The following COL6A3 variants were observed in gnomAD, a reference collection of about 807,000 sequenced individuals.
The protein encoded by COL6A3 is collagen alpha-3(VI) chain.
In COL6A3, 137 loss-of-function variants were observed where a neutral mutation model predicts 274.1. The ratio of observed to expected loss-of-function variants is 0.50; its 90% CI spans 0.44 to 0.58. The LOEUF is 0.58. Among genes scored for constraint, COL6A3 ranks in the 20% least tolerant of loss-of-function variants. The pLI, the probability that COL6A3 is intolerant of heterozygous loss-of-function variation, is 0.00. For synonymous variants in COL6A3, 1,650 were observed against 1,650.6 expected, an observed-to-expected ratio of 1.00 and a Z score of 0.01; for missense variants, 3,950 against 4,124.9, an observed-to-expected ratio of 0.96 and a Z score of 1.16.
chr2:237,377,181 C>A lies in COL6A3; in HGVS notation c.2661G>T (p.Glu887Asp), dbSNP rs745457575. 1 of 1,614,170 alleles carries A rather than the reference C, an allele frequency of 6.2e-7. No homozygotes were observed. Among genetic ancestry groups the A allele is most frequent in the Non-Finnish European group, 8.5e-7 (1 of 1,180,034 alleles). The change falls in exon 7 of 44, where the codon GAG (glutamate) becomes GAT (aspartate). Residue 887 changes from glutamate to aspartate, a missense_variant. Coordinates refer to ENST00000295550, the MANE Select transcript of COL6A3 (RefSeq NM_004369.4). ...VAQYSDDVKVESRFDEHQSKP... is the reference protein window; with the variant it reads ...VAQYSDDVKVDSRFDEHQSKP... ...TACTCTGGTGCTCATCAAAACGGGACTCCACCTTGACATCATCGCTGTACT... is the reference window on the plus strand; with the variant it reads ...TACTCTGGTGCTCATCAAAACGGGAATCCACCTTGACATCATCGCTGTACT...
rs151273014 is a variant in COL6A3 at position 237,366,342 on chromosome 2, A to G, written c.5501-307T>C. Among the ~76,000 whole-genome samples the G allele has an allele frequency of 3.3e-5, 5 of 152,362 alleles. No homozygotes were observed. The East Asian group carries it at 7.7e-4, about 24-fold the overall frequency. On this transcript the variant is annotated intron_variant, in intron 11 of 43. Coordinates refer to ENST00000295550, the MANE Select transcript of COL6A3 (RefSeq NM_004369.4). ...GATGCACCCCAAGTTTGTGCTTTAA[A>G]TTAAAAGCACTTGAAAATCAAATAT...
intron 31 of COL6A3, among the ~76,000 whole-genome samples, chr2:237,347,126 C>T (rs1238201831): frequency 6.6e-6 from 1 of 152,004 alleles, no homozygotes; most frequent in African/African-American, 2.4e-5. Flanking sequence ...GAAGAATAAT[C>T]TGGCCAGGTG....
At chr2:237,354,691 GC>G (rs780211519) in intron 24 of COL6A3, among the ~76,000 whole-genome samples, 14 of 152,106 alleles carry the variant, frequency 9.2e-5, no homozygotes, top group Admixed American at 4.6e-4. Flanking sequence ...ACCAAGCTGT[GC>G]CCCGAACACC....
chr2:237,376,855 G>A lies in COL6A3; in HGVS notation c.2987C>T (p.Ala996Val). The change falls in exon 7 of 44, where the codon GCA (alanine) becomes GTA (valine). Residue 996 changes from alanine to valine, a missense_variant. By Grantham distance (64) the Ala-to-Val change is moderately conservative (BLOSUM62 0). Around this residue, in one of 5 missense-constraint regions of COL6A3, gnomAD observed 1,934 missense variants for 1,984.3 expected, o/e 0.97. Coordinates refer to ENST00000295550, the MANE Select transcript of COL6A3 (RefSeq NM_004369.4). The stretch of plus-strand genomic sequence containing the variant: ...ATCTCCAATCTTGGGAAGCGACTCT[G>A]CAGCCAGGATAAACGCTGGAGACAG... ...IVLSPAFILA[A>V]ESLPKIGDLH... 6.2e-7 allele frequency: 1 copy of A among 1,614,242 alleles called. No homozygotes were observed. The highest frequency in any genetic ancestry group is 8.5e-7 in the Non-Finnish European group (1 of 1,180,040).
rs1199966649 is a variant in COL6A3, at chr2:237,413,232, T to C, written c.-31+721A>G. 6.6e-6 allele frequency among the ~76,000 whole-genome samples: 1 copy of C among 152,206 alleles called. No homozygotes were observed. Among genetic ancestry groups the C allele is most frequent in the Non-Finnish European group, 1.5e-5 (1 of 68,036 alleles). Reference sequence around the variant, plus strand: ...CCCTGCAGCCCCAGGGGCCCTGCCTTAGACACTCAGCATGCTGCCCAAATG... The same window carrying C: ...CCCTGCAGCCCCAGGGGCCCTGCCTCAGACACTCAGCATGCTGCCCAAATG... On this transcript the variant is annotated intron_variant, in intron 1 of 43. Transcript: ENST00000295550. This position sits in a 1 kb window ranked among gnomAD's most constrained non-coding sequence, Gnocchi z 4.0.
In COL6A3 at chr2:237,379,720, T is replaced by TA. The variant is rs36094073; in HGVS notation, c.1898-486dup. 3.1e-3 allele frequency among the ~76,000 whole-genome samples: 475 copies of TA among 151,908 alleles called. 2 individuals are homozygous for TA. The highest frequency in any genetic ancestry group is 5.7e-3 in the Non-Finnish European group (387 of 67,908). On this transcript the variant is annotated intron_variant, in intron 5 of 43. Coordinates refer to ENST00000295550, the MANE Select transcript of COL6A3 (RefSeq NM_004369.4). ...CCTGAGAAAACGAGTTCCTTAAGGCTAAAAAAAATAGCAAAAGTAGGCTGG... is the reference window on the plus strand; with the variant it reads ...CCTGAGAAAACGAGTTCCTTAAGGCTAAAAAAAAATAGCAAAAGTAGGCTGG...
At chr2:237,343,229 G>A (rs1360369642) in intron 36 of COL6A3, 1 of 152,008 alleles carries the variant, frequency 6.6e-6, no homozygotes, top group African/African-American at 2.4e-5. Flanking sequence ...GGGTGCGGTG[G>A]CTTACGCCTG....
At chr2:237,396,872 G>A in intron 1 of COL6A3, 25 bp from the exon 2 acceptor site, 5 of 1,534,568 alleles carry the variant, frequency 3.3e-6, no homozygotes, top group Admixed American at 3.4e-5. Flanking sequence ...AGGGCAAAGG[G>A]AATGATCAGT....
intron 3 of COL6A3, among the ~76,000 whole-genome samples, chr2:237,394,247 T>C (rs1430160361): frequency 2.0e-5 from 3 of 152,144 alleles, no homozygotes; most frequent in Non-Finnish European, 2.9e-5. Context: ...CAACACCAAA[T>C]AGAGGAGTTT....
At chr2:237,345,260 T>C in intron 32 of COL6A3, 47 bp from the exon 33 acceptor site, 1 of 1,599,740 alleles carries the variant, frequency 6.3e-7, no homozygotes, top group Non-Finnish European at 8.6e-7. Context: ...AGATGGGGAA[T>C]TCGAATAAAC....
chr2:237,372,130 T>C lies in COL6A3; in HGVS notation c.3887A>G (p.Gln1296Arg). The change falls in exon 9 of 44, where the codon CAG (glutamine) becomes CGG (arginine). Residue 1296 changes from glutamine (Q) to arginine (R), a missense_variant. Coordinates refer to ENST00000295550, the MANE Select transcript of COL6A3 (RefSeq NM_004369.4). The part of the protein sequence containing the change: ...LNAHSSKDEV[Q>R]NAVQRLRPKG... Reference sequence around the variant, plus strand: ...GGGCCTCAGCCGCTGCACCGCGTTCTGCACTTCATCCTTGCTGGAATGGGC... The same window carrying C: ...GGGCCTCAGCCGCTGCACCGCGTTCCGCACTTCATCCTTGCTGGAATGGGC... 1.2e-6 allele frequency: 2 copies of C among 1,614,152 alleles called. No homozygotes were observed. The highest frequency in any genetic ancestry group is 1.1e-5 in the South Asian group (1 of 91,080).
Position 237,342,082 on chromosome 2 carries a change from G to C in COL6A3, c.7748C>G (p.Thr2583Arg). 6.2e-7 allele frequency: 1 copy of C among 1,614,136 alleles called. No homozygotes were observed. The highest frequency in any genetic ancestry group is 8.5e-7 in the Non-Finnish European group (1 of 1,180,008). ...DLTDFLENVL[T>R]CHVCLDICNI... ...CAGCTTACCCAAGCAAACATGACACGTGAGGACATTCTCCAGGAAGTCTGT... is the reference window on the plus strand; with the variant it reads ...CAGCTTACCCAAGCAAACATGACACCTGAGGACATTCTCCAGGAAGTCTGT... Residue 2583 changes from threonine to arginine, a missense_variant, in exon 37 of 44, where the codon ACG (threonine) becomes AGG (arginine). Around this residue, in one of 5 missense-constraint regions of COL6A3, gnomAD observed 1,284 missense variants for 1,349.7 expected, o/e 0.95. Transcript: ENST00000295550.
In COL6A3 at chr2:237,358,602, T is replaced by C. The variant is rs2106340557; in HGVS notation, c.6409-19A>G. 6.2e-7 allele frequency: 1 copy of C among 1,607,532 alleles called. No homozygotes were observed. Among genetic ancestry groups the C allele is most frequent in the East Asian group, 2.2e-5 (1 of 44,848 alleles). On this transcript the variant is annotated intron_variant, in intron 20 of 43. Transcript: ENST00000295550. The stretch of plus-strand genomic sequence containing the variant: ...TATCACCCTAAAGAAAAAGCACAAG[T>C]GGATGCTAAAAACTAGATGTTTCCA...
At chr2:237,357,161 A>G in intron 23 of COL6A3, 177 bp downstream of exon 23, 1 of 740,848 alleles carries the variant, frequency 1.3e-6, no homozygotes, top group Non-Finnish European at 2.5e-6. Context: ...GAGAGAAGAG[A>G]TGAAGCACCA....
At chr2:237,378,040 AG>A (rs2077898206) in intron 6 of COL6A3, among the ~76,000 whole-genome samples, 1 of 152,252 alleles carries the variant, frequency 6.6e-6, no homozygotes, top group Admixed American at 6.5e-5. Flanking sequence ...CAATTGGTTT[AG>A]TCTTGCCATT....
At chr2:237,340,361 A>G (rs2106319137) in intron 38 of COL6A3, 91 bp downstream of exon 38, 2 of 1,208,068 alleles carry the variant, frequency 1.7e-6, no homozygotes, top group Non-Finnish European at 2.4e-6. Flanking sequence ...CTGTCAACAC[A>G]TCGGTTGTCT....
rs777730505 is a variant in COL6A3 at position 237,361,813 on chromosome 2, C to T, written c.6082G>A (p.Ala2028Thr). Residue 2028 changes from alanine to threonine, a missense_variant, in exon 15 of 44, where the codon GCT (alanine) becomes ACT (threonine). Ala to Thr is a moderately conservative substitution (Grantham distance 58). Around this residue, in one of 5 missense-constraint regions of COL6A3, gnomAD observed 632 missense variants for 623.4 expected, o/e 1.01. Coordinates refer to ENST00000295550, the MANE Select transcript of COL6A3 (RefSeq NM_004369.4). The surrounding 1 kb of genome is among the most constrained non-coding windows in gnomAD (Gnocchi z 5.1). ...AEQLDNIAEKACCGVPCKCSG... is the reference protein window; with the variant it reads ...AEQLDNIAEKTCCGVPCKCSG... ...CACTTGCAGGGAACCCCACAGCAAG[C>T]TTTCTCGGCAATGTTGTCCTACCGA... is the stretch of plus-strand genomic sequence containing the variant. The T allele has an allele frequency of 1.9e-6, 3 of 1,614,168 alleles. No homozygotes were observed. The highest frequency in any genetic ancestry group is 3.3e-5 in the Admixed American group (2 of 60,022).
chr2:237,345,093 T>A lies in COL6A3; in HGVS notation c.7127A>T (p.Gln2376Leu). The change falls in exon 34 of 44, where the codon CAA (glutamine) becomes CTA (leucine). Residue 2376 changes from glutamine to leucine, a missense_variant and splice_region_variant. Transcript: ENST00000295550. ...TTTGATGCTTTGGATGAGGGCACAT[T>A]GCTTTAAAAGAAAATAAAAGAATAT... ...PKGNRGDSID[Q>L]CALIQSIKDK... 1 of 1,614,186 alleles carries A rather than the reference T, an allele frequency of 6.2e-7. No homozygotes were observed. The highest frequency in any genetic ancestry group is 8.5e-7 in the Non-Finnish European group (1 of 1,180,012).
At chr2:237,402,316 G>A (rs1475721588) in intron 1 of COL6A3, among the ~76,000 whole-genome samples, 8 of 152,160 alleles carry the variant, frequency 5.3e-5, no homozygotes, top group Non-Finnish European at 8.8e-5. Context: ...AGCACAAGGT[G>A]CGTATAGTTA....
Sources: gnomAD v4.1 joint callset for allele counts (sites outside exome capture counted in the v4.1 genomes callset) on GRCh38, gnomAD v4.1.1 for gene constraint, gnomAD v4.1.1 regional missense constraint, Gnocchi (gnomAD v3.1) non-coding constraint, MANE v1.5 for transcripts, NCBI Gene and HGNC (gene_info 2026-07-23, HGNC 2026-07-21) for gene names.